Variants in L3MBTL4 observed in about 807,000 individuals in gnomAD.
L3MBTL4 encodes L3MBTL histone methyl-lysine binding protein 4, also known as lethal(3)malignant brain tumor-like protein 4.
A neutral mutation model predicts 84.5 loss-of-function variants in L3MBTL4; 70 were observed. The observed-to-expected ratio is 0.83, with a 90% CI of 0.68 to 1.01. L3MBTL4 has a LOEUF of 1.01. Ranked by LOEUF, L3MBTL4 falls within the 50% of genes least tolerant of loss-of-function variation. The probability of loss-of-function intolerance (pLI) is 0.00; values close to 1 mark genes in which losing one functional copy is unlikely to be tolerated. For synonymous variants in L3MBTL4, 274 were observed against 259.8 expected (o/e 1.05, Z -0.52); for missense variants, 715 against 754.8 (o/e 0.95, Z 0.62).
At chr18:6,125,862 A>C (rs1568163510) in intron 14 of L3MBTL4, among the ~76,000 whole-genome samples, 1 of 152,260 alleles carries the variant, frequency 6.6e-6, no homozygotes, top group Non-Finnish European at 1.5e-5. Context: ...TTTGTTTGGC[A>C]CTATTAATAT....
At chr18:6,031,060 C>G in intron 16 of L3MBTL4, 2 of 985,410 alleles carry the variant, frequency 2.0e-6, no homozygotes, top group Non-Finnish European at 2.4e-6. Flanking sequence ...CCATAAAACA[C>G]TTAATACATC....
intron 13 of L3MBTL4, among the ~76,000 whole-genome samples, chr18:6,165,825 T>C (rs1249389921): frequency 6.6e-6 from 1 of 152,152 alleles, no homozygotes; most frequent in Non-Finnish European, 1.5e-5. Context: ...AATTCACATA[T>C]AACAATATTA....
intron 5 of L3MBTL4, among the ~76,000 whole-genome samples, chr18:6,261,125 CA>C (rs2048381705): frequency 6.6e-6 from 1 of 152,144 alleles, no homozygotes; most frequent in Non-Finnish European, 1.5e-5. Context: ...TACTTGTGGG[CA>C]ATTAACATTC....
chr18:6,209,511 T>C (rs2046014236), intron 12 of L3MBTL4, among the ~76,000 whole-genome samples: 1 of 149,794 alleles, frequency 6.7e-6, no homozygotes, highest in South Asian at 2.1e-4. Flanking sequence ...GCAGTGAAGA[T>C]GTGGAGAAAT....
At chr18:6,402,988 G>A (rs954573869) in intron 1 of L3MBTL4, among the ~76,000 whole-genome samples, 2 of 152,152 alleles carry the variant, frequency 1.3e-5, no homozygotes, top group African/African-American at 4.8e-5. Flanking sequence ...AGGAAAGAAG[G>A]GGGAAGTAGG....
intron 1 of L3MBTL4, among the ~76,000 whole-genome samples, chr18:6,340,879 T>G (rs1440803726): frequency 1.3e-5 from 2 of 152,128 alleles, no homozygotes; most frequent in Non-Finnish European, 2.9e-5. Context: ...AATCCAACTC[T>G]GCTAGATTGG....
chr18:6,413,051 C>T (rs1366924715), intron 1 of L3MBTL4, among the ~76,000 whole-genome samples: 6 of 152,114 alleles, frequency 3.9e-5, no homozygotes, highest in Admixed American at 3.9e-4. Context: ...TACCACTGCA[C>T]TTCAGCCTGG....
intron 18 of L3MBTL4, among the ~76,000 whole-genome samples, chr18:5,958,028 A>AGAG (rs36010647): frequency 6.3e-5 from 8 of 126,766 alleles, no homozygotes; most frequent in East Asian, 2.4e-4. Flanking sequence ...AGAAGGAGAA[A>AGAG]GAGGAGGAGG....
chr18:6,192,327 G>C (rs1026980179), intron 12 of L3MBTL4, among the ~76,000 whole-genome samples: 1 of 152,208 alleles, frequency 6.6e-6, no homozygotes, highest in African/African-American at 2.4e-5. Flanking sequence ...GGATAAGGAA[G>C]AGCAGTGAGT....
intron 1 of L3MBTL4, among the ~76,000 whole-genome samples, chr18:6,391,672 C>T (rs1403486430): frequency 6.6e-6 from 1 of 151,772 alleles, no homozygotes; most frequent in East Asian, 1.9e-4. Context: ...ATTAATAGCA[C>T]CACTAAATAC....
intron 1 of L3MBTL4, among the ~76,000 whole-genome samples, chr18:6,351,131 G>A (rs1244276171): frequency 6.6e-6 from 1 of 152,088 alleles, no homozygotes; most frequent in Admixed American, 6.5e-5. Flanking sequence ...GGGAGGCGGA[G>A]GTTGCAGTGA....
chr18:6,391,467 T>C (rs2055047527), intron 1 of L3MBTL4, among the ~76,000 whole-genome samples: 1 of 152,122 alleles, frequency 6.6e-6, no homozygotes, highest in African/African-American at 2.4e-5. Flanking sequence ...AACATAGTGA[T>C]AGTAACACTA....
chr18:6,330,613 T>C (rs963923651), intron 1 of L3MBTL4, among the ~76,000 whole-genome samples: 2 of 152,234 alleles, frequency 1.3e-5, no homozygotes, highest in Admixed American at 6.5e-5. Context: ...CTTCATTTCA[T>C]TGGCAACCTT....
intron 10 of L3MBTL4, among the ~76,000 whole-genome samples, chr18:6,224,598 C>T (rs1320994302): frequency 6.6e-6 from 1 of 152,226 alleles, no homozygotes; most frequent in Non-Finnish European, 1.5e-5. Context: ...TCTCTACCCA[C>T]TCCCATGGCC....
chr18:6,333,472 G>A (rs1306378673), intron 1 of L3MBTL4, among the ~76,000 whole-genome samples: 2 of 152,184 alleles, frequency 1.3e-5, no homozygotes, highest in Middle Eastern at 3.4e-3. Flanking sequence ...CTACGTGGGA[G>A]GCTGAGGCAG....
At chr18:6,376,571 C>T (rs907702797) in intron 1 of L3MBTL4, among the ~76,000 whole-genome samples, 12 of 151,914 alleles carry the variant, frequency 7.9e-5, no homozygotes, top group Non-Finnish European at 1.0e-4. Context: ...CCCATCTGTA[C>T]AACAACAACA....
intron 12 of L3MBTL4, among the ~76,000 whole-genome samples, chr18:6,197,378 C>T (rs1280148081): frequency 6.6e-6 from 1 of 152,172 alleles, no homozygotes; most frequent in Non-Finnish European, 1.5e-5. Flanking sequence ...GTTTTCTGTT[C>T]CTGCATTAGT....
intron 1 of L3MBTL4, among the ~76,000 whole-genome samples, chr18:6,351,607 A>G (rs1433279612): frequency 1.3e-5 from 2 of 151,808 alleles, no homozygotes; most frequent in East Asian, 1.9e-4. Context: ...GCTGGAGTGC[A>G]GTGGCGTGAT....
chr18:5,999,522 T>G (rs2054124459), intron 16 of L3MBTL4, among the ~76,000 whole-genome samples: 1 of 152,174 alleles, frequency 6.6e-6, no homozygotes, highest in Non-Finnish European at 1.5e-5. Flanking sequence ...AAAGAACATG[T>G]TTTTCTATTA....
Sources: allele counts gnomAD v4.1 joint callset (sites outside exome capture counted in the v4.1 genomes callset), GRCh38; gene constraint gnomAD v4.1.1; transcripts MANE v1.5; gene names NCBI Gene and HGNC (gene_info 2026-07-23, HGNC 2026-07-21).